Variants in ANO3 observed in about 807,000 individuals in gnomAD.
The protein encoded by ANO3 is anoctamin-3.
Under a neutral mutation model 144.8 loss-of-function variants are expected in ANO3, and 99 were observed. That is an observed-to-expected ratio of 0.68 (90% CI 0.58 to 0.81). ANO3 has a LOEUF of 0.81. Ranked by LOEUF, ANO3 falls within the 30% of genes least tolerant of loss-of-function variation. ANO3 has a pLI of 0.00. For synonymous variants in ANO3, 414 were observed against 392.6 expected, an observed-to-expected ratio of 1.05 and a Z score of -0.64; for missense variants, 905 against 1,202.2, an observed-to-expected ratio of 0.75 and a Z score of 3.66.
chr11:26,650,077 G>A (rs1215447007), intron 24 of ANO3, among the ~76,000 whole-genome samples: 1 of 151,720 alleles, frequency 6.6e-6, no homozygotes, highest in Non-Finnish European at 1.5e-5. Context: ...ATATTCATCG[G>A]TTAGGAATAT....
chr11:26,412,286 T>C (rs932052011), intron 1 of ANO3, among the ~76,000 whole-genome samples: 6 of 151,990 alleles, frequency 3.9e-5, no homozygotes, highest in African/African-American at 1.4e-4. Context: ...ATCAGCATTA[T>C]ATATGTAAAT....
At chr11:26,526,784 A>T (rs1428874592) in intron 7 of ANO3, among the ~76,000 whole-genome samples, 1 of 152,112 alleles carries the variant, frequency 6.6e-6, no homozygotes, top group African/African-American at 2.4e-5. Flanking sequence ...TCTTCAACCG[A>T]GTCACATTTT....
intron 1 of ANO3, among the ~76,000 whole-genome samples, chr11:26,410,994 C>CTAAA (rs1857415571): frequency 6.6e-6 from 1 of 151,946 alleles, no homozygotes; most frequent in Non-Finnish European, 1.5e-5. Flanking sequence ...GCTTATCTGG[C>CTAAA]TCTAGGATAA....
At chr11:26,256,224 T>C (rs1049104166) in intron 1 of ANO3, among the ~76,000 whole-genome samples, 8 of 152,146 alleles carry the variant, frequency 5.3e-5, no homozygotes, top group African/African-American at 1.4e-4. Context: ...TTCAAGATTA[T>C]ACCATATGAA....
rs7129682 is a variant in ANO3, at chr11:26,269,439, A to T, written c.155-40206A>T. On this transcript the variant is annotated intron_variant, in intron 1 of 27. Coordinates refer to the ANO3 transcript ENST00000672621. ...CTATCTCTCTTGGGGCTCTCTCAGCAGTGAGGTAACGCCCAGATCTGTGCC... is the reference window on the plus strand; with the variant it reads ...CTATCTCTCTTGGGGCTCTCTCAGCTGTGAGGTAACGCCCAGATCTGTGCC... Among the ~76,000 whole-genome samples the T allele has an allele frequency of 7.1e-3, 1,074 of 152,260 alleles. 12 individuals are homozygous for T. The highest frequency in any genetic ancestry group is 0.024 in the African/African-American group (1,016 of 41,544).
At chr11:26,414,717 C>G (rs1379397559) in intron 1 of ANO3, among the ~76,000 whole-genome samples, 1 of 148,018 alleles carries the variant, frequency 6.8e-6, no homozygotes, top group Non-Finnish European at 1.5e-5. Flanking sequence ...TGTAAGAAAC[C>G]TGCATGTTCT....
chr11:26,383,596 A>G (rs1856644501), intron 1 of ANO3, among the ~76,000 whole-genome samples: 1 of 149,966 alleles, frequency 6.7e-6, no homozygotes, highest in Non-Finnish European at 1.5e-5. Context: ...AAAGTCAGAT[A>G]TTGTCTTTAC....
At chr11:26,532,003 G>C (rs1300222885) in intron 8 of ANO3, among the ~76,000 whole-genome samples, 1 of 152,062 alleles carries the variant, frequency 6.6e-6, no homozygotes, top group Non-Finnish European at 1.5e-5. Context: ...AATTAACTGG[G>C]GTAAACATAA....
intron 4 of ANO3, among the ~76,000 whole-genome samples, chr11:26,475,196 T>C (rs1190584312): frequency 1.3e-5 from 2 of 152,014 alleles, no homozygotes; most frequent in African/African-American, 4.8e-5. Context: ...TCTTAGTTTT[T>C]TTTATTTTTT....
At chr11:26,653,544 T>C (rs1034375917) in intron 24 of ANO3, among the ~76,000 whole-genome samples, 2 of 152,146 alleles carry the variant, frequency 1.3e-5, no homozygotes, top group Non-Finnish European at 2.9e-5. Flanking sequence ...TAGTGTCTTC[T>C]TATTTCACTC....
At chr11:26,542,593 G>A (rs1849674004) in intron 11 of ANO3, among the ~76,000 whole-genome samples, 1 of 151,988 alleles carries the variant, frequency 6.6e-6, no homozygotes, top group African/African-American at 2.4e-5. Context: ...GCCAGAAAGT[G>A]GATCTAAGAG....
At chr11:26,426,723 G>C (rs1355423242) in intron 1 of ANO3, among the ~76,000 whole-genome samples, 1 of 152,166 alleles carries the variant, frequency 6.6e-6, no homozygotes, top group African/African-American at 2.4e-5. Flanking sequence ...TGTAGTAATA[G>C]ACTAGAATGA....
At chr11:26,565,405 A>T (rs773333779) in intron 14 of ANO3, 8 of 1,613,322 alleles carry the variant, frequency 5.0e-6, no homozygotes, top group Non-Finnish European at 6.8e-6. Context: ...TTGACCAAAG[A>T]CCAAGTGAAG....
upstream of ANO3, among the ~76,000 whole-genome samples, chr11:26,331,186 G>C (rs541983924): frequency 3.3e-5 from 5 of 152,278 alleles, no homozygotes; most frequent in South Asian, 1.0e-3. Context: ...CCTGTTGGAG[G>C]GGGAGGGAGA....
intron 14 of ANO3, among the ~76,000 whole-genome samples, chr11:26,582,395 G>A (rs1318558660): frequency 2.0e-5 from 3 of 152,120 alleles, no homozygotes; most frequent in African/African-American, 7.2e-5. Flanking sequence ...TTGAATAGAC[G>A]AAGACCTTAG....
intron 1 of ANO3, among the ~76,000 whole-genome samples, chr11:26,316,995 T>A (rs1254199238): frequency 6.6e-6 from 1 of 152,202 alleles, no homozygotes; most frequent in Non-Finnish European, 1.5e-5. Context: ...CTACACCTAG[T>A]TGGCCAGAGA....
chr11:26,324,813 T>C (rs1854843963), intron 1 of ANO3, among the ~76,000 whole-genome samples: 1 of 152,178 alleles, frequency 6.6e-6, no homozygotes, highest in Non-Finnish European at 1.5e-5. Context: ...ATACTAATAT[T>C]ACCGTTAGGT....
chr11:26,641,794 G>A lies in ANO3; in HGVS notation c.2142-102G>A, dbSNP rs1233179652. On this transcript the variant is annotated intron_variant, in intron 21 of 26. Transcript: ENST00000256737. ...GGTAAAACCAAATACCTCCAATTCC[G>A]AGGAGCTGGAATTGGTTTTACTCAT... 1.1e-5 allele frequency: 13 copies of A among 1,196,642 alleles called. No homozygotes were observed. The African/African-American group carries it at 1.4e-4, about 13-fold the overall frequency. 74.1% of individuals were successfully genotyped at this position (1,196,642 alleles called of 1,614,324 possible). A position where few individuals can be genotyped will look rare whatever the true frequency, so the allele number is the denominator to read the frequency against.
chr11:26,494,893 T>C, intron 4 of ANO3, among the ~76,000 whole-genome samples: 1 of 152,124 alleles, frequency 6.6e-6, no homozygotes, highest in Non-Finnish European at 1.5e-5. Context: ...TATTGCCTAT[T>C]ATCAGAGTAG....
Sources: allele counts gnomAD v4.1 joint callset (sites outside exome capture counted in the v4.1 genomes callset), GRCh38; gene constraint gnomAD v4.1.1; transcripts MANE v1.5; gene names NCBI Gene and HGNC (gene_info 2026-07-23, HGNC 2026-07-21).